CAMKMT: variants seen among roughly 807,000 people sequenced by gnomAD.
The protein encoded by CAMKMT is CaM KMT.
Under a neutral mutation model 48.0 loss-of-function variants are expected in CAMKMT, and 53 were observed. The ratio of observed to expected loss-of-function variants is 1.10; its 90% CI spans 0.89 to 1.39. CAMKMT has a LOEUF of 1.39. CAMKMT is among the 40% of genes most tolerant of loss of function. The pLI is 0.00. For synonymous variants in CAMKMT, 165 were observed against 152.3 expected (o/e 1.08, Z -0.61); for missense variants, 428 against 402.7 (o/e 1.06, Z -0.54).
chr2:44,463,211 G>A (rs1205136382), intron 3 of CAMKMT, among the ~76,000 whole-genome samples: 1 of 152,166 alleles, frequency 6.6e-6, no homozygotes, highest in Non-Finnish European at 1.5e-5. Context: ...ATGGCTTACA[G>A]TAATGTCAGC....
chr2:44,529,220 T>C (rs1666335838), intron 3 of CAMKMT, among the ~76,000 whole-genome samples: 1 of 152,230 alleles, frequency 6.6e-6, no homozygotes. Context: ...CATTATGAAC[T>C]CCTAGATTTT....
At chr2:44,388,840 T>C (rs1364166786) in intron 2 of CAMKMT, among the ~76,000 whole-genome samples, 2 of 152,074 alleles carry the variant, frequency 1.3e-5, no homozygotes, top group Non-Finnish European at 2.9e-5. Context: ...CTGCACAGAG[T>C]CCTGTGATGT....
intron 3 of CAMKMT, among the ~76,000 whole-genome samples, chr2:44,482,625 G>A (rs564181517): frequency 6.6e-6 from 1 of 151,900 alleles, no homozygotes; most frequent in Non-Finnish European, 1.5e-5. Context: ...TAAAATGCTG[G>A]GACCGTTTTC....
intron 3 of CAMKMT, among the ~76,000 whole-genome samples, chr2:44,563,289 A>C (rs1321120000): frequency 2.0e-5 from 3 of 151,738 alleles, no homozygotes; most frequent in Middle Eastern, 3.4e-3. Context: ...CTGTTTTATA[A>C]CCTGACTTTT....
At chr2:44,428,360 G>A (rs778411159) in intron 3 of CAMKMT, among the ~76,000 whole-genome samples, 21 of 152,164 alleles carry the variant, frequency 1.4e-4, no homozygotes, top group Non-Finnish European at 2.8e-4. Context: ...TCTTCTCGAC[G>A]TTCAGACACA....
chr2:44,452,337 TATCTC>T (rs1244542884), intron 3 of CAMKMT, among the ~76,000 whole-genome samples: 1 of 152,036 alleles, frequency 6.6e-6, no homozygotes, highest in African/African-American at 2.4e-5. Context: ...TAGCGCCAGT[TATCTC>T]ATACTTGAGA....
intron 3 of CAMKMT, among the ~76,000 whole-genome samples, chr2:44,431,111 T>C (rs1293039962): frequency 6.6e-6 from 1 of 152,188 alleles, no homozygotes; most frequent in African/African-American, 2.4e-5. Context: ...TTAAATTAGG[T>C]CAGCACAATT....
At chr2:44,582,745 C>G (rs1324948027) in intron 3 of CAMKMT, among the ~76,000 whole-genome samples, 1 of 152,134 alleles carries the variant, frequency 6.6e-6, no homozygotes, top group Non-Finnish European at 1.5e-5. Flanking sequence ...AAGTTACATG[C>G]AGAGGTGGCT....
At chr2:44,663,793 G>T (rs1164868559) in intron 3 of CAMKMT, among the ~76,000 whole-genome samples, 2 of 152,134 alleles carry the variant, frequency 1.3e-5, no homozygotes, top group African/African-American at 4.8e-5. Context: ...ATAACAAATG[G>T]TCACCTTCTA....
intron 3 of CAMKMT, among the ~76,000 whole-genome samples, chr2:44,573,816 A>T (rs990708846): frequency 1.3e-5 from 2 of 151,996 alleles, no homozygotes; most frequent in African/African-American, 4.8e-5. Context: ...GTATTAGTTT[A>T]TTTTTTCTTC....
chr2:44,383,725 T>C (rs969891847), intron 2 of CAMKMT, among the ~76,000 whole-genome samples: 24 of 152,206 alleles, frequency 1.6e-4, no homozygotes, highest in African/African-American at 5.8e-4. Context: ...TGAGAATATA[T>C]GATGTTTGAT....
In CAMKMT at chr2:44,627,746, G is replaced by T. The variant is rs148747841; in HGVS notation, c.377-76537G>T. The stretch of plus-strand genomic sequence containing the variant: ...TTTTTTTGAGATGGAGTCTCACTCT[G>T]TCACCTAGGCTGGAGTGCAGTGGTG... On this transcript the variant is annotated intron_variant, in intron 3 of 10. Transcript: ENST00000378494. Among the ~76,000 whole-genome samples, 743 of 107,708 alleles carry T rather than the reference G, an allele frequency of 6.9e-3. 9 individuals carry two copies. The highest frequency in any genetic ancestry group is 0.026 in the African/African-American group (702 of 27,160). The allele number at this position is 107,708 out of a possible 152,430, so 70.7% of individuals were successfully genotyped here.
intron 3 of CAMKMT, among the ~76,000 whole-genome samples, chr2:44,420,119 G>A (rs532765220): frequency 1.3e-5 from 2 of 152,254 alleles, no homozygotes; most frequent in African/African-American, 4.8e-5. Flanking sequence ...TTGTGTAAAT[G>A]TAATGTGAGT....
intron 7 of CAMKMT, among the ~76,000 whole-genome samples, chr2:44,739,161 T>C (rs1355831082): frequency 6.6e-6 from 1 of 152,184 alleles, no homozygotes; most frequent in Non-Finnish European, 1.5e-5. Context: ...CTGATACATG[T>C]TTTAAAAGAA....
intron 3 of CAMKMT, among the ~76,000 whole-genome samples, chr2:44,543,320 C>A (rs1422197375): frequency 6.6e-6 from 1 of 152,100 alleles, no homozygotes; most frequent in Non-Finnish European, 1.5e-5. Context: ...GTGTAGCCAC[C>A]AGCACAAATG....
intron 3 of CAMKMT, among the ~76,000 whole-genome samples, chr2:44,442,248 C>G (rs1009789841): frequency 6.6e-6 from 1 of 152,178 alleles, no homozygotes; most frequent in Admixed American, 6.6e-5. Context: ...CCATCTGTGG[C>G]TCTAGTGGAG....
intron 7 of CAMKMT, among the ~76,000 whole-genome samples, chr2:44,737,350 C>T (rs1389959876): frequency 2.6e-5 from 4 of 152,166 alleles, no homozygotes; most frequent in African/African-American, 9.7e-5. Context: ...CGCCTGACCT[C>T]AAGCAGTCCT....
intron 3 of CAMKMT, chr2:44,456,682 A>G: frequency 7.1e-7 from 1 of 1,408,692 alleles, no homozygotes; most frequent in Non-Finnish European, 9.7e-7. Flanking sequence ...TGTTTTGGCC[A>G]AGGCATCCTA....
intron 10 of CAMKMT, among the ~76,000 whole-genome samples, chr2:44,770,687 A>G (rs1053513116): frequency 2.6e-5 from 4 of 152,046 alleles, no homozygotes; most frequent in African/African-American, 9.6e-5. Flanking sequence ...GTCAGTGGGT[A>G]TGGACTGGGA....
Sources: allele counts gnomAD v4.1 joint callset (sites outside exome capture counted in the v4.1 genomes callset), GRCh38; gene constraint gnomAD v4.1.1; transcripts MANE v1.5; gene names NCBI Gene and HGNC (gene_info 2026-07-23, HGNC 2026-07-21).